Variants in SLC25A5 observed in about 807,000 individuals in gnomAD.
SLC25A5 encodes the protein ADP/ATP translocase 2.
Under a neutral mutation model 16.5 loss-of-function variants are expected in SLC25A5, and 4 were observed. That is an observed-to-expected ratio of 0.24 (90% confidence interval 0.12 to 0.56). SLC25A5 has a LOEUF of 0.56. SLC25A5 is among the 20% of genes least tolerant of loss of function. SLC25A5 has a pLI of 0.93. For synonymous variants in SLC25A5, 60 were observed against 95.2 expected, an observed-to-expected ratio of 0.63 and a Z score of 2.15; for missense variants, 88 against 248.0, an observed-to-expected ratio of 0.35 and a Z score of 4.33.
At chrX:119,470,860 TC>T (rs763919193) in intron 3 of SLC25A5, 40 bp from the exon 4 acceptor site, 1 of 1,176,142 alleles carries the variant, frequency 8.5e-7, no homozygotes, top group South Asian at 1.9e-5. Context: ...GGATTTTTCA[TC>T]GGCCTTCAGT....
intron 3 of SLC25A5, 28 bp downstream of exon 3, chrX:119,470,541 G>A (rs775949837): frequency 4.2e-6 from 5 of 1,182,780 alleles, no homozygotes; most frequent in Non-Finnish European, 5.7e-6. Context: ...AGAAGATAAA[G>A]TTGTAGTCGT....
chrX:119,469,101 G>A (rs2052808447), intron 1 of SLC25A5: 1 of 114,763 alleles, frequency 8.7e-6, no homozygotes, highest in Non-Finnish European at 1.8e-5. Flanking sequence ...CCGGCGCCGG[G>A]AAGCGCGTGT....
intron 1 of SLC25A5, chrX:119,468,983 G>C: frequency 5.1e-6 from 1 of 196,627 alleles, no homozygotes; most frequent in Non-Finnish European, 9.4e-6. Context: ...AGTTCTTACC[G>C]AAGACCTCAA....
Position 119,469,627 on chromosome X carries a change from A to G in SLC25A5, c.112-34A>G, listed in dbSNP as rs369479852. 3.4e-6 allele frequency: 4 copies of G among 1,164,971 alleles called. No individual in the cohort carries two copies. In the African/African-American group the frequency reaches 7.2e-5, roughly 21 times the overall value. ...TTCTCTTTCCCTTCCCCATGGTTAT[A>G]ACTGTCCCTGTTGGCTTCCTTCCTG... On this transcript the variant is annotated intron_variant, in intron 1 of 3. Coordinates refer to ENST00000317881, the MANE Select transcript of SLC25A5 (RefSeq NM_001152.5).
Position 119,470,904 on chromosome X carries a change from ACAT to A in SLC25A5, c.747_749del (p.Ile249del), listed in dbSNP as rs1284403796. Reference sequence around the variant, plus strand: ...TCCATGTCTTTATTCTTTGCAGCTGACATCATGTACACAGGCACGCTTGACTGC... The same window carrying A: ...TCCATGTCTTTATTCTTTGCAGCTGACATGTACACAGGCACGCTTGACTGC... On this transcript the variant is annotated inframe_deletion, in exon 4 of 4. Transcript: ENST00000317881. 8.3e-7 allele frequency: 1 copy of A among 1,205,253 alleles called. No homozygotes were observed. Among genetic ancestry groups the A allele is most frequent in the African/African-American group, 1.7e-5 (1 of 57,151 alleles).
At position 119,469,960 on chromosome X, in the gene SLC25A5, C is replaced by T; in HGVS notation, c.411C>T (p.Ala137=). 2 of 1,212,131 alleles carry T rather than the reference C, an allele frequency of 1.6e-6. No homozygotes were observed. The highest frequency in any genetic ancestry group is 2.2e-6 in the Non-Finnish European group (2 of 895,468). Reference sequence around the variant, plus strand: ...GTTTTGTGTACCCTCTTGATTTTGCCCGTACCCGTCTAGCAGCTGATGTGG... The same window carrying T: ...GTTTTGTGTACCCTCTTGATTTTGCTCGTACCCGTCTAGCAGCTGATGTGG... ...SLCFVYPLDF[A]RTRLAADVGK... The change falls in exon 2 of 4, where the codon GCC becomes GCT. Residue 137 remains alanine (A), a synonymous_variant. Transcript: ENST00000317881.
intron 3 of SLC25A5, 147 bp downstream of exon 3, chrX:119,470,660 A>T: frequency 1.3e-6 from 1 of 790,342 alleles, no homozygotes; most frequent in Non-Finnish European, 1.8e-6. Context: ...ACTGCCTTTG[A>T]GCTGGCCCTT....
chrX:119,469,080 CGGGCCGGAAGCCGGCGCCGGGA>C (rs2052807965), intron 1 of SLC25A5: 1 of 115,668 alleles, frequency 8.6e-6, no homozygotes, highest in South Asian at 3.4e-4. Context: ...CAAACCTCGC[CGGGCCGGAAGCCGGCGCCGGGA>C]AGCGCGTGTG....
rs753367168 is a variant in SLC25A5 at position 119,468,732 on chromosome X, G to A, written c.111+106G>A. 3.8e-5 allele frequency: 26 copies of A among 691,155 alleles called. No homozygotes were observed. The South Asian group carries it at 6.8e-4, about 18-fold the overall frequency. The allele number at this position is 691,155 out of a possible 1,213,427, so 57.0% of individuals were successfully genotyped here. A position where few individuals can be genotyped will look rare whatever the true frequency, so the allele number is the denominator to read the frequency against. ...GAGCGAACTCTAAAGACATGGCCAGGGAAGCGGCTTAGGAGAGGCCAGAGC... is the reference window on the plus strand; with the variant it reads ...GAGCGAACTCTAAAGACATGGCCAGAGAAGCGGCTTAGGAGAGGCCAGAGC... On this transcript the variant is annotated intron_variant, in intron 1 of 3. Coordinates refer to ENST00000317881, the MANE Select transcript of SLC25A5 (RefSeq NM_001152.5).
chrX:119,470,639 T>A (rs914437370), intron 3 of SLC25A5, 126 bp downstream of exon 3: 1 of 873,771 alleles, frequency 1.1e-6, no homozygotes, highest in African/African-American at 2.0e-5. Flanking sequence ...AGCATCTGTG[T>A]CTGTTCCACA....
At chrX:119,470,800 C>G in intron 3 of SLC25A5, 101 bp from the exon 4 acceptor site, 2 of 926,338 alleles carry the variant, frequency 2.2e-6, no homozygotes, top group South Asian at 4.9e-5. Context: ...GGATTTAAAG[C>G]TGACGTTCTT....
Position 119,470,446 on chromosome X carries a change from C to A in SLC25A5, c.672C>A (p.Ala224=). ...TCGCACAGACTGTCACTGCTGTTGC[C>A]GGGTTGACTTCCTATCCATTTGACA... ...WMIAQTVTAV[A]GLTSYPFDTV... Residue 224 remains alanine, a synonymous_variant, in exon 3 of 4, where the codon GCC becomes GCA. Transcript: ENST00000317881. 2 of 1,041,124 alleles carry A rather than the reference C, an allele frequency of 1.9e-6. No individual in the cohort carries two copies. Among genetic ancestry groups the A allele is most frequent in the Non-Finnish European group, 2.5e-6 (2 of 786,587 alleles). 85.8% of individuals were successfully genotyped at this position (1,041,124 alleles called of 1,213,427 possible).
At chrX:119,468,654 C>G in intron 1 of SLC25A5, 28 bp downstream of exon 1, 1 of 1,147,623 alleles carries the variant, frequency 8.7e-7, no homozygotes, top group African/African-American at 1.8e-5. Context: ...GGAGCCCAAC[C>G]AGGAAGTGGG....
At chrX:119,470,240 T>G (rs1304780041) in intron 2 of SLC25A5, 93 bp downstream of exon 2, 2 of 1,126,473 alleles carry the variant, frequency 1.8e-6, no homozygotes, top group African/African-American at 3.7e-5. Context: ...AAAGAGTTGT[T>G]TTTTTAATTG....
intron 1 of SLC25A5, chrX:119,469,387 A>G (rs749971576): frequency 5.5e-5 from 15 of 271,858 alleles, no homozygotes; most frequent in African/African-American, 3.3e-4. Flanking sequence ...GTTTGAGGTA[A>G]TGACCTTTCT....
At chrX:119,469,575 G>T in intron 1 of SLC25A5, 86 bp from the exon 2 acceptor site, 1 of 1,054,108 alleles carries the variant, frequency 9.5e-7, no homozygotes, top group South Asian at 2.3e-5. Flanking sequence ...CTACCTTAAA[G>T]GGCATTGATC....
chrX:119,468,726 G>T (rs1024649989), intron 1 of SLC25A5, 100 bp downstream of exon 1: 2 of 711,554 alleles, frequency 2.8e-6, no homozygotes, highest in African/African-American at 4.2e-5. Flanking sequence ...CTAAAGACAT[G>T]GCCAGGGAAG....
Position 119,471,346 on chromosome X carries a change from A to C in SLC25A5, c.*288A>C, listed in dbSNP as rs2052831699. ...TTTGTCTGCAGTATATTTTCATATA[A>C]AAATGCATATTTGAGTGCTACATTC... On this transcript the variant is annotated 3_prime_UTR_variant, in exon 4 of 4. Coordinates refer to ENST00000317881, the MANE Select transcript of SLC25A5 (RefSeq NM_001152.5). 6.6e-6 allele frequency: 1 copy of C among 150,693 alleles called. No homozygotes were observed. Among genetic ancestry groups the C allele is most frequent in the Admixed American group, 1.1e-4 (1 of 8,980 alleles). The allele number at this position is 150,693 out of a possible 1,213,427, so 12.4% of individuals were successfully genotyped here.
At chrX:119,470,845 T>C in intron 3 of SLC25A5, 56 bp from the exon 4 acceptor site, 1 of 1,154,192 alleles carries the variant, frequency 8.7e-7, no homozygotes, top group Non-Finnish European at 1.2e-6. Flanking sequence ...GCCTAGTGAA[T>C]CTTAGGATTT....
Sources: allele counts gnomAD v4.1 joint callset, GRCh38; gene constraint gnomAD v4.1.1; transcripts MANE v1.5; gene names NCBI Gene and HGNC (gene_info 2026-07-23, HGNC 2026-07-21).